NUCB2: variants seen among roughly 807,000 people sequenced by gnomAD.
NUCB2 encodes the protein nucleobindin 2.
NUCB2 carries 48 observed loss-of-function variants against 57.9 expected under a neutral mutation model. The observed-to-expected ratio is 0.83, with a 90% CI of 0.66 to 1.05. NUCB2 has a LOEUF of 1.05. Among genes scored for constraint, NUCB2 ranks in the 50% least tolerant of loss-of-function variants. The pLI, the probability that NUCB2 is intolerant of heterozygous loss-of-function variation, is 0.00. For synonymous variants in NUCB2, 139 were observed against 152.1 expected (o/e 0.91, Z 0.64); for missense variants, 442 against 476.2 (o/e 0.93, Z 0.67).
At chr11:17,307,507 G>T (rs919758580) in intron 5 of NUCB2, among the ~76,000 whole-genome samples, 21 of 151,896 alleles carry the variant, frequency 1.4e-4, no homozygotes, top group Non-Finnish European at 2.8e-4. Context: ...TTTTTTTATT[G>T]TCCCTTTCTT....
intron 5 of NUCB2, among the ~76,000 whole-genome samples, chr11:17,305,315 C>G (rs1467233353): frequency 6.6e-6 from 1 of 151,800 alleles, no homozygotes; most frequent in Non-Finnish European, 1.5e-5. Flanking sequence ...CAGAGTGAGA[C>G]TGTGTCTCAA....
At chr11:17,286,198 A>G (rs988949652) in intron 2 of NUCB2, among the ~76,000 whole-genome samples, 1 of 152,000 alleles carries the variant, frequency 6.6e-6, no homozygotes, top group Non-Finnish European at 1.5e-5. Context: ...ACCATGCCCA[A>G]CTAATTTTTG....
At chr11:17,331,311 G>A in intron 13 of NUCB2, 101 bp from the exon 14 acceptor site, 1 of 586,570 alleles carries the variant, frequency 1.7e-6, no homozygotes, top group African/African-American at 2.0e-5. Context: ...TCTATGATTA[G>A]CTAAGCATAT....
chr11:17,330,965 G>A lies in NUCB2; in HGVS notation c.1237G>A (p.Glu413Lys). ...AATTCCTCCATCAGGGCCAGCTGGA[G>A]AATTGAAGTTTGAGCCACGTGTGTA... ...QGIPPSGPAG[E>K]LKFEPHI Residue 413 changes from glutamate (E) to lysine (K), a missense_variant, in exon 13 of 14, where the codon GAA becomes AAA. Coordinates refer to ENST00000529010, the MANE Select transcript of NUCB2 (RefSeq NM_005013.4). The surrounding 1 kb of genome is among the most constrained non-coding windows in gnomAD (Gnocchi z 4.3). The A allele has an allele frequency of 6.2e-7, 1 of 1,609,422 alleles. No individual in the cohort carries two copies. Among genetic ancestry groups the A allele is most frequent in the Admixed American group, 1.7e-5 (1 of 59,594 alleles).
chr11:17,331,083 ATGTTATTTT>A, intron 13 of NUCB2, 100 bp downstream of exon 13: 2 of 880,658 alleles, frequency 2.3e-6, no homozygotes, highest in South Asian at 3.6e-5. Context: ...TTAAGATGTT[ATGTTATTTT>A]TTGTGTATTT....
Position 17,312,025 on chromosome 11 carries a change from T to C in NUCB2, c.820-3T>C. ...CATGTTCATTTAAAATTTTTCTTTTTAGTTGGAGAAAGTATATGACCCTAA... is the reference window on the plus strand; with the variant it reads ...CATGTTCATTTAAAATTTTTCTTTTCAGTTGGAGAAAGTATATGACCCTAA... On this transcript the variant is annotated splice_polypyrimidine_tract_variant and splice_region_variant and intron_variant, in intron 9 of 13. Coordinates refer to ENST00000529010, the MANE Select transcript of NUCB2 (RefSeq NM_005013.4). The C allele has an allele frequency of 6.4e-7, 1 of 1,571,260 alleles. No individual in the cohort carries two copies. Among genetic ancestry groups the C allele is most frequent in the Non-Finnish European group, 8.6e-7 (1 of 1,160,966 alleles).
intron 1 of NUCB2, among the ~76,000 whole-genome samples, chr11:17,282,362 G>A (rs745338315): frequency 3.3e-5 from 5 of 150,938 alleles, no homozygotes; most frequent in African/African-American, 1.2e-4. Context: ...AGGTTTAAGC[G>A]ATTCTTGTGC....
chr11:17,311,410 T>A, intron 8 of NUCB2, 127 bp downstream of exon 8: 1 of 646,938 alleles, frequency 1.5e-6, no homozygotes, highest in Non-Finnish European at 2.6e-6. Context: ...AGAGTTTTTC[T>A]AGGGTAATAT....
In NUCB2 at chr11:17,315,420, A is replaced by T. The variant is rs764802016; in HGVS notation, c.947A>T (p.Glu316Val). ...AACAAAGACAGATTGGTGACTCTGG[A>T]GGAGTTTTTGAAAGCCACAGAAAAA... ...DTNKDRLVTL[E>V]EFLKATEKKE... The change falls in exon 11 of 14, where the codon GAG becomes GTG. Residue 316 changes from glutamate (E) to valine (V), a missense_variant. Physicochemically the swap from Glu to Val is moderately radical, Grantham distance 121. Transcript: ENST00000529010. 2.5e-6 allele frequency: 4 copies of T among 1,611,364 alleles called. No homozygotes were observed. Among genetic ancestry groups the T allele is most frequent in the Non-Finnish European group, 3.4e-6 (4 of 1,178,156 alleles).
In NUCB2 at chr11:17,342,560, T is replaced by C. The variant is rs1275465436; in HGVS notation, n.2626+5026T>C. Among the ~76,000 whole-genome samples, 5 of 150,958 alleles carry C rather than the reference T, an allele frequency of 3.3e-5. No homozygotes were observed. In the East Asian group the frequency reaches 9.7e-4, roughly 29 times the overall value. On this transcript the variant is annotated intron_variant and non_coding_transcript_variant, in intron 2 of 2. Coordinates refer to the NUCB2 transcript ENST00000532240. Reference sequence around the variant, plus strand: ...AGAACATCTTTATTTCTGCCTTCATTTCGTTATGTACCCAGTAGTCATTCA... The same window carrying C: ...AGAACATCTTTATTTCTGCCTTCATCTCGTTATGTACCCAGTAGTCATTCA...
intron 2 of NUCB2, among the ~76,000 whole-genome samples, chr11:17,346,045 A>G (rs554326653): frequency 2.0e-5 from 3 of 152,344 alleles, no homozygotes; most frequent in Admixed American, 2.0e-4. Flanking sequence ...TTAGAAAAAT[A>G]TGTAATATTT....
intron 5 of NUCB2, among the ~76,000 whole-genome samples, chr11:17,306,197 C>T (rs562677636): frequency 1.1e-3 from 163 of 152,178 alleles, no homozygotes; most frequent in African/African-American, 3.7e-3. Flanking sequence ...GTGATAGCCT[C>T]CCATAGGTTG....
At chr11:17,320,534 G>A (rs1226290615) in intron 11 of NUCB2, among the ~76,000 whole-genome samples, 1 of 152,086 alleles carries the variant, frequency 6.6e-6, no homozygotes, top group Non-Finnish European at 1.5e-5. Flanking sequence ...GTGCACTCCT[G>A]TAATCCCAGC....
intron 4 of NUCB2, among the ~76,000 whole-genome samples, chr11:17,297,895 A>G (rs1946079860): frequency 6.6e-6 from 1 of 152,078 alleles, no homozygotes; most frequent in African/African-American, 2.4e-5. Flanking sequence ...TAGCCTGGCC[A>G]AGATGGTGAA....
intron 11 of NUCB2, among the ~76,000 whole-genome samples, chr11:17,323,590 G>T (rs1356664434): frequency 6.6e-6 from 1 of 152,156 alleles, no homozygotes; most frequent in Non-Finnish European, 1.5e-5. Context: ...CTTGTCAAAT[G>T]AGTTTGGAAG....
downstream of NUCB2, chr11:17,334,548 T>G (rs548567925): frequency 5.9e-5 from 9 of 152,374 alleles, no homozygotes; most frequent in East Asian, 1.7e-3. Flanking sequence ...TTGGGAAATA[T>G]AATGTTCAAC....
At chr11:17,349,750 T>A (rs1286331465) in exon 3 of NUCB2, 6 of 152,196 alleles carry the variant, frequency 3.9e-5, no homozygotes, top group African/African-American at 9.7e-5. Flanking sequence ...TGCCATACTG[T>A]CCCTGGATAC....
chr11:17,292,994 CTG>C (rs1300463166), intron 2 of NUCB2, among the ~76,000 whole-genome samples: 11 of 152,114 alleles, frequency 7.2e-5, no homozygotes, highest in Non-Finnish European at 1.5e-5. Flanking sequence ...TGGCTCATGC[CTG>C]TAATTTCAGC....
chr11:17,336,806 T>C (rs1054831414), downstream of NUCB2, among the ~76,000 whole-genome samples: 7 of 150,518 alleles, frequency 4.7e-5, no homozygotes, highest in African/African-American at 9.8e-5. Flanking sequence ...CATAGATATA[T>C]GTTTTTTATG....
Sources: allele counts gnomAD v4.1 joint callset (sites outside exome capture counted in the v4.1 genomes callset), GRCh38; gene constraint gnomAD v4.1.1; non-coding constraint Gnocchi (gnomAD v3.1); transcripts MANE v1.5; gene names NCBI Gene and HGNC (gene_info 2026-07-23, HGNC 2026-07-21).